TRPC6: variants seen among roughly 807,000 people sequenced by gnomAD.
TRPC6 encodes short transient receptor potential channel 6.
TRPC6 carries 55 observed loss-of-function variants against 90.7 expected under a neutral mutation model. The observed-to-expected ratio is 0.61, with a 90% CI of 0.49 to 0.76. The LOEUF (loss-of-function observed/expected upper bound fraction) is 0.76, where lower values mean the gene tolerates loss of function less well. TRPC6 is among the 30% of genes least tolerant of loss of function. The pLI is 0.00. For missense variants in TRPC6, 989 were observed against 1,122.7 expected (o/e 0.88, Z 1.70); for synonymous variants, 393 against 393.0 (o/e 1.00, Z 0.00).
intron 1 of TRPC6, among the ~76,000 whole-genome samples, chr11:101,576,560 G>A (rs1250572042): frequency 6.6e-6 from 1 of 152,122 alleles, no homozygotes; most frequent in East Asian, 1.9e-4. Flanking sequence ...TTGAAACTTG[G>A]CATATGGATG....
chr11:101,453,166 A>G, intron 12 of TRPC6, 60 bp from the exon 13 acceptor site: 2 of 1,507,882 alleles, frequency 1.3e-6, no homozygotes, highest in Non-Finnish European at 1.8e-6. Context: ...AAAACTAGTG[A>G]CTGTGGGACA....
chr11:101,562,396 T>A (rs1275015475), intron 1 of TRPC6, among the ~76,000 whole-genome samples: 1 of 152,178 alleles, frequency 6.6e-6, no homozygotes, highest in African/African-American at 2.4e-5. Flanking sequence ...GCTTATGGCT[T>A]CATCTTGAGT....
intron 1 of TRPC6, among the ~76,000 whole-genome samples, chr11:101,525,842 G>C (rs1038288318): frequency 6.6e-6 from 1 of 152,174 alleles, no homozygotes; most frequent in African/African-American, 2.4e-5. Context: ...CAGGAAGCAG[G>C]ATGACCAGGC....
intron 1 of TRPC6, among the ~76,000 whole-genome samples, chr11:101,550,728 C>T (rs1009434852): frequency 3.3e-5 from 5 of 151,592 alleles, no homozygotes; most frequent in African/African-American, 1.2e-4. Flanking sequence ...GTAAAAAATA[C>T]ACACAACATG....
At chr11:101,537,681 T>C (rs917433840) in intron 1 of TRPC6, among the ~76,000 whole-genome samples, 1 of 152,174 alleles carries the variant, frequency 6.6e-6, no homozygotes, top group Non-Finnish European at 1.5e-5. Flanking sequence ...TTGCTGAATA[T>C]AAAAATCATT....
chr11:101,456,633 C>A (rs1858889793), intron 10 of TRPC6, among the ~76,000 whole-genome samples: 1 of 152,160 alleles, frequency 6.6e-6, no homozygotes, highest in Admixed American at 6.6e-5. Context: ...CTCTAATCTA[C>A]AGACTAGATG....
chr11:101,542,631 C>T (rs1316450217), intron 1 of TRPC6, among the ~76,000 whole-genome samples: 1 of 149,326 alleles, frequency 6.7e-6, no homozygotes, highest in African/African-American at 2.5e-5. Flanking sequence ...CACAAGAAAA[C>T]TAAAGACAGA....
At chr11:101,516,051 A>G (rs879217097) in intron 1 of TRPC6, among the ~76,000 whole-genome samples, 7 of 151,694 alleles carry the variant, frequency 4.6e-5, no homozygotes, top group African/African-American at 7.3e-5. Flanking sequence ...CATGGCATAT[A>G]TAAGGAAAAA....
intron 7 of TRPC6, among the ~76,000 whole-genome samples, chr11:101,473,276 G>A (rs1458880961): frequency 6.6e-6 from 1 of 151,952 alleles, no homozygotes; most frequent in Non-Finnish European, 1.5e-5. Context: ...AATAAAGGGA[G>A]GCATGCAAGG....
intron 6 of TRPC6, among the ~76,000 whole-genome samples, chr11:101,474,224 G>A (rs151049485): frequency 4.9e-4 from 74 of 152,240 alleles, no homozygotes; most frequent in African/African-American, 1.7e-3. Flanking sequence ...AAATGGTAGC[G>A]TTTATTATTC....
chr11:101,561,295 C>A (rs931330183), intron 1 of TRPC6, among the ~76,000 whole-genome samples: 23 of 152,120 alleles, frequency 1.5e-4, no homozygotes, highest in Non-Finnish European at 3.1e-4. Flanking sequence ...AACTCAGTCT[C>A]AAGTACTGTC....
intron 1 of TRPC6, among the ~76,000 whole-genome samples, chr11:101,569,824 GAACA>G (rs1266629862): frequency 3.9e-5 from 6 of 151,988 alleles, no homozygotes; most frequent in Non-Finnish European, 7.4e-5. Flanking sequence ...AAACCAACAA[GAACA>G]AAGACACAAT....
chr11:101,529,697 T>G (rs748678001), intron 1 of TRPC6, among the ~76,000 whole-genome samples: 47 of 152,166 alleles, frequency 3.1e-4, no homozygotes, highest in Non-Finnish European at 5.4e-4. Context: ...AATAAGTCAA[T>G]CACAGTTGGC....
chr11:101,470,802 GCCCCGCCCC>G (rs545476291), intron 9 of TRPC6, among the ~76,000 whole-genome samples: 3 of 48,724 alleles, frequency 6.2e-5, no homozygotes, highest in South Asian at 6.5e-4. Flanking sequence ...TAATCAAGTT[GCCCCGCCCC>G]CCCCCCCTCC....
At chr11:101,478,467 T>C (rs1859465826) in intron 5 of TRPC6, among the ~76,000 whole-genome samples, 1 of 148,338 alleles carries the variant, frequency 6.7e-6, no homozygotes, top group African/African-American at 2.6e-5. Context: ...TCTAGTTGTT[T>C]TCAAAGCTTC....
chr11:101,562,541 C>A lies in TRPC6; in HGVS notation c.170+20793G>T, dbSNP rs7937329. ...TCTATAAAACCTGAAATTGTAGAAC[C>A]AGTGATTTAAATTTTGCTCTACAGA... is the stretch of plus-strand genomic sequence containing the variant. On this transcript the variant is annotated intron_variant, in intron 1 of 12. Transcript: ENST00000344327. Among the ~76,000 whole-genome samples the A allele has an allele frequency of 2.9e-3, 442 of 151,956 alleles. 3 individuals are homozygous for A. The highest frequency in any genetic ancestry group is 0.01 in the African/African-American group (425 of 41,432).
At position 101,507,746 on chromosome 11, in the gene TRPC6, G is replaced by A. The variant is rs546523157; in HGVS notation, c.171-2948C>T. Among the ~76,000 whole-genome samples, 6 of 152,002 alleles carry A rather than the reference G, an allele frequency of 3.9e-5. No individual in the cohort carries two copies. The East Asian group carries it at 1.2e-3, about 29-fold the overall frequency. On this transcript the variant is annotated intron_variant, in intron 1 of 12. Coordinates refer to ENST00000344327, the MANE Select transcript of TRPC6 (RefSeq NM_004621.6). Reference sequence around the variant, plus strand: ...GATTCTGGATATTGTCTTTGTCTCTGGTGTCCTAAAATTACATGGTTGTTT... The same window carrying A: ...GATTCTGGATATTGTCTTTGTCTCTAGTGTCCTAAAATTACATGGTTGTTT...
At chr11:101,564,727 G>T (rs947113581) in intron 1 of TRPC6, among the ~76,000 whole-genome samples, 1 of 151,838 alleles carries the variant, frequency 6.6e-6, no homozygotes, top group Admixed American at 6.6e-5. Flanking sequence ...ATTCTAAAAC[G>T]TATACAGAAC....
chr11:101,480,299 G>A (rs987252416), intron 5 of TRPC6, among the ~76,000 whole-genome samples: 5 of 152,072 alleles, frequency 3.3e-5, no homozygotes, highest in Non-Finnish European at 5.9e-5. Context: ...CAGTCTAGTT[G>A]TTTTCAAAGC....
Sources: gnomAD v4.1 joint callset for allele counts (sites outside exome capture counted in the v4.1 genomes callset) on GRCh38, gnomAD v4.1.1 for gene constraint, MANE v1.5 for transcripts, NCBI Gene and HGNC (gene_info 2026-07-23, HGNC 2026-07-21) for gene names.